Variants in COL14A1 observed in about 807,000 individuals in gnomAD.
COL14A1 encodes the protein collagen alpha-1(XIV) chain.
COL14A1 carries 136 observed loss-of-function variants against 230.3 expected under a neutral mutation model. The observed-to-expected ratio is 0.59, with a 90% CI of 0.51 to 0.68. COL14A1 has a LOEUF of 0.68. Ranked by LOEUF, COL14A1 falls within the 30% of genes least tolerant of loss-of-function variation. The probability of loss-of-function intolerance (pLI) is 0.00; values close to 1 mark genes in which losing one functional copy is unlikely to be tolerated. For missense variants in COL14A1, 1,976 were observed against 2,215.8 expected (o/e 0.89, Z 2.17); for synonymous variants, 792 against 784.1 (o/e 1.01, Z -0.17).
chr8:120,276,825 A>T (rs898349354), intron 26 of COL14A1, among the ~76,000 whole-genome samples: 9 of 134,354 alleles, frequency 6.7e-5, no homozygotes, highest in African/African-American at 2.6e-4. Context: ...CCTAGAACTT[A>T]AAGTATAATA....
At chr8:120,192,540 C>T (rs1474899794) in intron 5 of COL14A1, among the ~76,000 whole-genome samples, 2 of 152,096 alleles carry the variant, frequency 1.3e-5, no homozygotes, top group East Asian at 1.9e-4. Context: ...TTGCTCTTCT[C>T]GAGGAGTATC....
intron 5 of COL14A1, among the ~76,000 whole-genome samples, chr8:120,185,224 A>G (rs1220266076): frequency 1.3e-5 from 2 of 152,242 alleles, no homozygotes; most frequent in South Asian, 4.1e-4. Flanking sequence ...CTTGCTGCAC[A>G]TCCCCTACAT....
chr8:120,295,712 A>C (rs1820506167), intron 34 of COL14A1, among the ~76,000 whole-genome samples: 1 of 151,908 alleles, frequency 6.6e-6, no homozygotes, highest in Admixed American at 6.6e-5. Context: ...TTTATTATTT[A>C]TAGCAACTAT....
In COL14A1 at chr8:120,270,042, G is replaced by A. The variant is rs1444495567; in HGVS notation, c.3081G>A (p.Lys1027=). 5 of 1,610,778 alleles carry A rather than the reference G, an allele frequency of 3.1e-6. No homozygotes were observed. Among genetic ancestry groups the A allele is most frequent in the Middle Eastern group, 1.6e-4 (1 of 6,066 alleles). ...PTIPPAKEVC[K]AAKADLVFMV... ...TTCATTGTTGGTCTTCAGTATGTAA[G>A]GCGGCCAAGGCTGACCTGGTATTTA... is the stretch of plus-strand genomic sequence containing the variant. Residue 1027 remains lysine, a synonymous_variant, in exon 26 of 48, where the codon AAG becomes AAA. Transcript: ENST00000297848.
intron 43 of COL14A1, 42 bp downstream of exon 43, chr8:120,341,402 C>G (rs1327917521): frequency 6.2e-7 from 1 of 1,604,434 alleles, no homozygotes; most frequent in African/African-American, 1.3e-5. Flanking sequence ...CAGCTTGTTG[C>G]ACCCCTTCCA....
intron 45 of COL14A1, among the ~76,000 whole-genome samples, chr8:120,363,945 C>T (rs533781679): frequency 1.3e-5 from 2 of 152,176 alleles, no homozygotes; most frequent in Non-Finnish European, 2.9e-5. Flanking sequence ...GATAAATATG[C>T]CTTGCCCTCT....
chr8:120,187,725 C>A (rs1384285975), intron 5 of COL14A1, among the ~76,000 whole-genome samples: 2 of 152,176 alleles, frequency 1.3e-5, no homozygotes, highest in Non-Finnish European at 2.9e-5. Flanking sequence ...ACATTCTAGA[C>A]AAATAATTGG....
intron 10 of COL14A1, 30 bp from the exon 11 acceptor site, chr8:120,208,202 C>T (rs757203605): frequency 1.3e-5 from 21 of 1,573,308 alleles, no homozygotes; most frequent in Admixed American, 3.5e-5. Flanking sequence ...ATATTCCATA[C>T]TCTCATTACT....
chr8:120,194,133 C>T (rs1426436066), intron 5 of COL14A1, among the ~76,000 whole-genome samples: 1 of 152,212 alleles, frequency 6.6e-6, no homozygotes, highest in Admixed American at 6.5e-5. Flanking sequence ...AATCACCTGT[C>T]TTCTGCGTCA....
intron 9 of COL14A1, among the ~76,000 whole-genome samples, chr8:120,205,506 A>G (rs921825168): frequency 7.2e-5 from 11 of 152,172 alleles, no homozygotes; most frequent in Admixed American, 3.3e-4. Flanking sequence ...TGCTTGCCTT[A>G]TAGAGTTGTA....
At chr8:120,245,074 A>C (rs1194742493) in intron 20 of COL14A1, among the ~76,000 whole-genome samples, 1 of 152,036 alleles carries the variant, frequency 6.6e-6, no homozygotes, top group African/African-American at 2.4e-5. Context: ...TTCCTTCTAC[A>C]TGGTATATGC....
At chr8:120,216,531 G>A (rs200096656) in intron 14 of COL14A1, 41 bp downstream of exon 14, 28 of 1,581,048 alleles carry the variant, frequency 1.8e-5, no homozygotes, top group African/African-American at 8.1e-5. Flanking sequence ...AGGTAGTGGC[G>A]TGCTAGTTAT....
chr8:120,197,809 A>G lies in COL14A1; in HGVS notation c.593-2A>G. The G allele has an allele frequency of 1.9e-6, 3 of 1,599,260 alleles. No homozygotes were observed. Among genetic ancestry groups the G allele is most frequent in the South Asian group, 1.1e-5 (1 of 88,156 alleles). On this transcript the variant is annotated splice_acceptor_variant, in intron 6 of 47. Coordinates refer to ENST00000297848, the MANE Select transcript of COL14A1 (RefSeq NM_021110.4). LOFTEE classifies it high-confidence loss of function. ...GGTGCGTTTCCTAATCTTTTTTTCCAGGTCTTGCACAGTATAGTGGTGACC... is the reference window on the plus strand; with the variant it reads ...GGTGCGTTTCCTAATCTTTTTTTCCGGGTCTTGCACAGTATAGTGGTGACC...
intron 5 of COL14A1, among the ~76,000 whole-genome samples, chr8:120,172,538 CAT>C (rs1402971948): frequency 1.3e-5 from 2 of 152,146 alleles, no homozygotes; most frequent in Non-Finnish European, 2.9e-5. Flanking sequence ...CTTGTGGACT[CAT>C]GTGGAAATTG....
At chr8:120,287,685 AC>A (rs1820246333) in intron 33 of COL14A1, among the ~76,000 whole-genome samples, 1 of 152,178 alleles carries the variant, frequency 6.6e-6, no homozygotes, top group Non-Finnish European at 1.5e-5. Flanking sequence ...ACTTCCCTCT[AC>A]TTTAAGTGTT....
At chr8:120,288,388 C>T (rs1014459812) in intron 33 of COL14A1, among the ~76,000 whole-genome samples, 1 of 152,010 alleles carries the variant, frequency 6.6e-6, no homozygotes, top group Non-Finnish European at 1.5e-5. Flanking sequence ...GGTGTAAGTC[C>T]ATGTGCTTTC....
intron 19 of COL14A1, 77 bp from the exon 20 acceptor site, chr8:120,243,802 G>A: frequency 7.4e-6 from 11 of 1,486,822 alleles, no homozygotes; most frequent in Non-Finnish European, 9.2e-6. Flanking sequence ...ATTTCAAAAT[G>A]CATAAAGTTA....
intron 14 of COL14A1, 76 bp downstream of exon 14, chr8:120,216,566 C>A: frequency 1.4e-6 from 2 of 1,416,938 alleles, no homozygotes; most frequent in South Asian, 2.8e-5. Flanking sequence ...CCAATCATCT[C>A]AAAGCCTAGT....
At chr8:120,286,019 A>G (rs766426696) in intron 33 of COL14A1, 49 bp downstream of exon 33, 2 of 1,109,064 alleles carry the variant, frequency 1.8e-6, no homozygotes, top group Non-Finnish European at 2.7e-6. Flanking sequence ...TTGCTATTGA[A>G]CAAAGCCATT....
Sources: gnomAD v4.1 joint callset for allele counts (sites outside exome capture counted in the v4.1 genomes callset) on GRCh38, gnomAD v4.1.1 for gene constraint, MANE v1.5 for transcripts, NCBI Gene and HGNC (gene_info 2026-07-23, HGNC 2026-07-21) for gene names.